Variants in FGFRL1 observed in about 807,000 individuals in gnomAD.
FGFRL1 encodes fibroblast growth factor receptor-like 1.
A neutral mutation model predicts 36.8 loss-of-function variants in FGFRL1; 24 were observed. The observed-to-expected ratio is 0.65, with a 90% CI of 0.47 to 0.92. FGFRL1 has a LOEUF of 0.92. FGFRL1 is among the 40% of genes least tolerant of loss of function. The pLI, the probability that FGFRL1 is intolerant of heterozygous loss-of-function variation, is 0.00. For missense variants in FGFRL1, 785 were observed against 753.4 expected (o/e 1.04, Z -0.49); for synonymous variants, 422 against 344.1 (o/e 1.23, Z -2.50).
chr4:1,017,257 C>T (rs757217145), intron 2 of FGFRL1, among the ~76,000 whole-genome samples: 23 of 150,322 alleles, frequency 1.5e-4, no homozygotes, highest in South Asian at 6.3e-4. Context: ...AGTTCGCAGG[C>T]ATCCTCACTC....
At chr4:1,022,882 G>A (rs889765940) in intron 3 of FGFRL1, among the ~76,000 whole-genome samples, 1 of 152,206 alleles carries the variant, frequency 6.6e-6, no homozygotes, top group African/African-American at 2.4e-5. Context: ...CCTGGGGCCC[G>A]GGCGCTGGGC....
At chr4:1,022,616 C>G (rs1040561043) in intron 3 of FGFRL1, 141 bp downstream of exon 3, 217 of 1,068,390 alleles carry the variant, frequency 2.0e-4, no homozygotes, top group Non-Finnish European at 2.7e-4. Flanking sequence ...CCTGCCCCAC[C>G]TCAGCTGGCT....
chr4:1,024,203 T>A, intron 5 of FGFRL1, 102 bp downstream of exon 5: 4 of 187,754 alleles, frequency 2.1e-5, no homozygotes, highest in South Asian at 1.8e-4. Flanking sequence ...GCGGGGGCAC[T>A]GGCAGGGCTT....
At chr4:1,016,996 G>A (rs1224009990) in intron 2 of FGFRL1, among the ~76,000 whole-genome samples, 3 of 152,216 alleles carry the variant, frequency 2.0e-5, no homozygotes, top group South Asian at 2.1e-4. Flanking sequence ...TCTCTTCTCG[G>A]TAACCGGGTG....
At chr4:1,016,925 C>T (rs949129894) in intron 2 of FGFRL1, among the ~76,000 whole-genome samples, 2 of 152,162 alleles carry the variant, frequency 1.3e-5, no homozygotes, top group African/African-American at 4.8e-5. Context: ...CACTCCTGCC[C>T]TGGGTGCCCC....
chr4:1,011,487 G>A (rs1236148721), upstream of FGFRL1, among the ~76,000 whole-genome samples: 1 of 147,042 alleles, frequency 6.8e-6, no homozygotes, highest in East Asian at 2.0e-4. Flanking sequence ...GAGCCCGGCG[G>A]GGCGGGGGCG....
chr4:1,013,482 G>A (rs1395170164), intron 2 of FGFRL1, among the ~76,000 whole-genome samples: 6 of 152,342 alleles, frequency 3.9e-5, no homozygotes, highest in Middle Eastern at 3.4e-3. Flanking sequence ...GGGCACGTTC[G>A]GGTGCTGGGT....
rs546391446 is a variant in FGFRL1 at position 1,025,553 on chromosome 4, C to G, written c.*206C>G. 3.1e-6 allele frequency: 2 copies of G among 653,044 alleles called. No individual in the cohort carries two copies. Among genetic ancestry groups the G allele is most frequent in the Non-Finnish European group, 5.2e-6 (2 of 387,286 alleles). The allele number at this position is 653,044 out of a possible 1,614,324, so 40.5% of individuals were successfully genotyped here. A position where few individuals can be genotyped will look rare whatever the true frequency, so the allele number is the denominator to read the frequency against. On this transcript the variant is annotated 3_prime_UTR_variant, in exon 7 of 7. Coordinates refer to ENST00000510644, the MANE Select transcript of FGFRL1 (RefSeq NM_001004356.3). ...GGATGCATGTATGCACACACATGCGCGCACACGTGCTCCCTGAAGGCACAC... is the reference window on the plus strand; with the variant it reads ...GGATGCATGTATGCACACACATGCGGGCACACGTGCTCCCTGAAGGCACAC...
chr4:1,011,445 G>C (rs977359745), upstream of FGFRL1: 4 of 146,104 alleles, frequency 2.7e-5, no homozygotes, highest in African/African-American at 9.9e-5. Context: ...GCCCGCCCGC[G>C]GGGACGTCCG....
chr4:1,019,186 G>C (rs1054694977), intron 2 of FGFRL1, among the ~76,000 whole-genome samples: 1 of 152,252 alleles, frequency 6.6e-6, no homozygotes, highest in African/African-American at 2.4e-5. Flanking sequence ...TGGGGGCTGG[G>C]AAACCTTCCC....
intron 2 of FGFRL1, among the ~76,000 whole-genome samples, chr4:1,014,077 C>A (rs1325966231): frequency 6.6e-6 from 1 of 152,232 alleles, no homozygotes; most frequent in East Asian, 1.9e-4. Flanking sequence ...AAGTGTGTTT[C>A]TCCTGCTCTG....
intron 6 of FGFRL1, 82 bp downstream of exon 6, chr4:1,024,746 G>A (rs555086443): frequency 6.9e-7 from 1 of 1,455,026 alleles, no homozygotes; most frequent in South Asian, 1.3e-5. Context: ...ACCGGGTGGG[G>A]CCCCACCCTT....
In FGFRL1 at chr4:1,021,385, C is replaced by G. The variant is rs529455533; in HGVS notation, c.80-818C>G. On this transcript the variant is annotated intron_variant, in intron 2 of 6. Transcript: ENST00000510644. ...GTGGGAGGACATACTGGCTGCCCCC[C>G]AGACAGGAGCGGCAGTGCCCGTGGT... 3.3e-5 allele frequency among the ~76,000 whole-genome samples: 5 copies of G among 152,210 alleles called. No individual in the cohort carries two copies. In the East Asian group the frequency reaches 7.7e-4, roughly 24 times the overall value.
upstream of FGFRL1, among the ~76,000 whole-genome samples, chr4:1,010,598 G>A (rs1318301308): frequency 6.6e-6 from 1 of 152,244 alleles, no homozygotes; most frequent in African/African-American, 2.4e-5. Context: ...GGGGGATGGA[G>A]GAGGTGCTGG....
At chr4:1,014,494 C>T (rs961290987) in intron 2 of FGFRL1, among the ~76,000 whole-genome samples, 1 of 152,248 alleles carries the variant, frequency 6.6e-6, no homozygotes, top group African/African-American at 2.4e-5. Context: ...ACTCCCCTGT[C>T]CTCTGCACCC....
chr4:1,015,024 T>C (rs1319893468), intron 2 of FGFRL1, among the ~76,000 whole-genome samples: 2 of 152,076 alleles, frequency 1.3e-5, no homozygotes, highest in African/African-American at 4.8e-5. Context: ...GAAATGTTGG[T>C]TTTTCCCCAG....
At chr4:1,012,887 C>T (rs991881198) in intron 2 of FGFRL1, among the ~76,000 whole-genome samples, 3 of 152,262 alleles carry the variant, frequency 2.0e-5, no homozygotes, top group East Asian at 1.9e-4. Context: ...CAGCTAATCA[C>T]CTGTGGATTC....
chr4:1,024,863 T>G, intron 6 of FGFRL1, 42 bp from the exon 7 acceptor site: 1 of 1,539,678 alleles, frequency 6.5e-7, no homozygotes, highest in Non-Finnish European at 8.7e-7. Flanking sequence ...GGTCTTTGTG[T>G]CGGCGTTCCC....
At chr4:1,015,125 C>G in intron 2 of FGFRL1, among the ~76,000 whole-genome samples, 1 of 152,210 alleles carries the variant, frequency 6.6e-6, no homozygotes, top group African/African-American at 2.4e-5. Context: ...GGGCTGTGCC[C>G]GCAGACTGGA....
Sources: allele counts gnomAD v4.1 joint callset (sites outside exome capture counted in the v4.1 genomes callset), GRCh38; gene constraint gnomAD v4.1.1; transcripts MANE v1.5; gene names NCBI Gene and HGNC (gene_info 2026-07-23, HGNC 2026-07-21).